ATRX: variants seen among roughly 807,000 people sequenced by gnomAD.
The protein encoded by ATRX is chromatin remodeler ATRX.
A neutral mutation model predicts 172.6 loss-of-function variants in ATRX; 12 were observed. That is an observed-to-expected ratio of 0.07 (90% CI 0.04 to 0.11). ATRX has a LOEUF of 0.11. Ranked by LOEUF, ATRX falls within the 10% of genes least tolerant of loss-of-function variation. ATRX has a pLI of 1.00. For missense variants in ATRX, 1,368 were observed against 1,767.4 expected (o/e 0.77, Z 4.05); for synonymous variants, 674 against 594.7 (o/e 1.13, Z -1.94).
At chrX:77,614,308 G>A (rs1203879065) in intron 22 of ATRX, among the ~76,000 whole-genome samples, 1 of 111,680 alleles carries the variant, frequency 9.0e-6, no homozygotes, top group Non-Finnish European at 1.9e-5. Flanking sequence ...AACCCACTTG[G>A]CCTTTTATGA....
rs781962420 is a variant in ATRX at position 77,579,874 on chromosome X, C to T, written c.6218-5516G>A. The stretch of plus-strand genomic sequence containing the variant: ...GATATGTGACCTTTCAGAGAGAGAA[C>T]ACAAAATAGCTGATTTGAGGAAACA... On this transcript the variant is annotated intron_variant, in intron 27 of 34. Transcript: ENST00000373344. 6.3e-5 allele frequency among the ~76,000 whole-genome samples: 7 copies of T among 111,991 alleles called. No individual in the cohort carries two copies. The South Asian group carries it at 2.6e-3, about 41-fold the overall frequency.
intron 12 of ATRX, among the ~76,000 whole-genome samples, chrX:77,662,416 A>T (rs1279623587): frequency 8.9e-6 from 1 of 112,000 alleles, no homozygotes; most frequent in Non-Finnish European, 1.9e-5. Context: ...ATTTACCCAA[A>T]TTAATTTCAT....
At position 77,654,133 on chromosome X, in the gene ATRX, T is replaced by A. The variant is rs2148450537; in HGVS notation, c.4282A>T (p.Ile1428Phe). Residue 1428 changes from isoleucine (I) to phenylalanine (F), a missense_variant, in exon 14 of 35, where the codon ATT (isoleucine) becomes TTT (phenylalanine). By Grantham distance (21) the Ile-to-Phe change is conservative. Around this residue, in one of 17 missense-constraint regions of ATRX, gnomAD observed 119 missense variants for 131.3 expected, o/e 0.91. Transcript: ENST00000373344. ...CTGGATGAATCTTCTTGAACCTTAA[T>A]ACGTCGCCTTTTCTTTTTCTGTTTA... ...SYKQKKKRRR[I>F]KVQEDSSSEN... 1 of 1,210,773 alleles carries A rather than the reference T, an allele frequency of 8.3e-7. No homozygotes were observed. The highest frequency in any genetic ancestry group is 1.1e-6 in the Non-Finnish European group (1 of 894,698).
At chrX:77,721,066 T>C (rs2073736061) in intron 1 of ATRX, among the ~76,000 whole-genome samples, 2 of 111,777 alleles carry the variant, frequency 1.8e-5, no homozygotes, top group South Asian at 7.4e-4. Flanking sequence ...ACAGAACCAA[T>C]GACAAAAACC....
rs1382287048 is a variant in ATRX, at chrX:77,652,040, T to C, written c.4557+74A>G. ...TAGGAGGATCACTTGAGCCCAAGAG[T>C]TCGAGGCCAGCCTGGGCAACAGAGC... On this transcript the variant is annotated intron_variant, in intron 15 of 34. Transcript: ENST00000373344. 1.9e-5 allele frequency: 21 copies of C among 1,117,812 alleles called. No individual in the cohort carries two copies. In the African/African-American group the frequency reaches 2.2e-4, roughly 12 times the overall value. 92.1% of individuals were successfully genotyped at this position (1,117,812 alleles called of 1,213,427 possible). A position where few individuals can be genotyped will look rare whatever the true frequency, so the allele number is the denominator to read the frequency against.
intron 5 of ATRX, 113 bp downstream of exon 5, chrX:77,696,464 T>C (rs2072190938): frequency 5.0e-6 from 4 of 804,964 alleles, no homozygotes; most frequent in Non-Finnish European, 7.3e-6. Flanking sequence ...ACTAGGAAAA[T>C]GCCATGTTTG....
chrX:77,738,570 TTTTTTTTTTTG>T (rs1327811000), intron 1 of ATRX, among the ~76,000 whole-genome samples: 2 of 98,689 alleles, frequency 2.0e-5, no homozygotes, highest in Non-Finnish European at 4.1e-5. Flanking sequence ...TTTTTTTTTT[TTTTTTTTTTTG>T]GAGACAGGGT....
chrX:77,597,012 G>A (rs782101580), intron 25 of ATRX: 2 of 111,096 alleles, frequency 1.8e-5, no homozygotes, highest in South Asian at 7.6e-4. Context: ...TTAATTATGA[G>A]ATGAGAGACT....
At chrX:77,716,301 TAA>T (rs35192332) in intron 2 of ATRX, among the ~76,000 whole-genome samples, 7 of 37,848 alleles carry the variant, frequency 1.8e-4, no homozygotes, top group African/African-American at 3.9e-4. Flanking sequence ...CTCGTCTCTT[TAA>T]AAAAAAAAAA....
intron 13 of ATRX, among the ~76,000 whole-genome samples, chrX:77,654,957 T>C (rs943134065): frequency 9.0e-6 from 1 of 111,328 alleles, no homozygotes; most frequent in Non-Finnish European, 1.9e-5. Context: ...ATTAAGTCTT[T>C]AAAAGGAAGA....
chrX:77,751,365 T>C (rs1557187535), intron 1 of ATRX, among the ~76,000 whole-genome samples: 1 of 112,559 alleles, frequency 8.9e-6, no homozygotes, highest in South Asian at 3.6e-4. Context: ...TACCCACTTT[T>C]TGATGGAGTT....
At chrX:77,746,264 A>C (rs1569544808) in intron 1 of ATRX, among the ~76,000 whole-genome samples, 1 of 110,937 alleles carries the variant, frequency 9.0e-6, no homozygotes, top group African/African-American at 3.3e-5. Context: ...TCCATGTTTA[A>C]AAAAAAAGTG....
At chrX:77,626,032 T>C (rs1424921252) in intron 19 of ATRX, among the ~76,000 whole-genome samples, 32 of 1,501 alleles carry the variant, frequency 0.021, no homozygotes, top group African/African-American at 0.071. Context: ...TTGTGGCATA[T>C]ATATATATAT....
intron 30 of ATRX, among the ~76,000 whole-genome samples, chrX:77,529,290 C>T (rs2063494046): frequency 9.0e-6 from 1 of 111,126 alleles, no homozygotes; most frequent in Non-Finnish European, 1.9e-5. Context: ...ATTTCAAATT[C>T]AAGAAATGCA....
intron 1 of ATRX, among the ~76,000 whole-genome samples, chrX:77,748,798 G>A (rs1031596801): frequency 4.5e-5 from 5 of 110,077 alleles, no homozygotes; most frequent in Non-Finnish European, 7.6e-5. Context: ...TGTTGGCCAG[G>A]CTGGTCTCGA....
chrX:77,609,676 C>T (rs1444538681), intron 22 of ATRX, among the ~76,000 whole-genome samples: 1 of 111,325 alleles, frequency 9.0e-6, no homozygotes, highest in Non-Finnish European at 1.9e-5. Context: ...AGGGTTTCAC[C>T]ATGTTGGCTA....
At chrX:77,757,569 ACTC>A (rs1417966839) in intron 1 of ATRX, among the ~76,000 whole-genome samples, 1 of 111,317 alleles carries the variant, frequency 9.0e-6, no homozygotes, top group Non-Finnish European at 1.9e-5. Context: ...TCTTTGAAAA[ACTC>A]CTCTAACGCT....
At chrX:77,763,037 GGTAA>G (rs2075777533) in intron 1 of ATRX, among the ~76,000 whole-genome samples, 1 of 111,064 alleles carries the variant, frequency 9.0e-6, no homozygotes, top group East Asian at 2.8e-4. Flanking sequence ...TCCACTGAAG[GGTAA>G]GTGTTAACCA....
At chrX:77,684,698 T>A (rs112654181) in intron 8 of ATRX, 105 bp from the exon 9 acceptor site, 7 of 964,808 alleles carry the variant, frequency 7.3e-6, no homozygotes, top group Middle Eastern at 2.7e-4. Context: ...CTCATTTTAA[T>A]CTCTTTGTTA....
Sources: gnomAD v4.1 joint callset for allele counts (sites outside exome capture counted in the v4.1 genomes callset) on GRCh38, gnomAD v4.1.1 for gene constraint, gnomAD v4.1.1 regional missense constraint, MANE v1.5 for transcripts, NCBI Gene and HGNC (gene_info 2026-07-23, HGNC 2026-07-21) for gene names.